LURAP1L: variants seen among roughly 807,000 people sequenced by gnomAD.
LURAP1L encodes the protein leucine rich adaptor protein 1-like.
LURAP1L carries 12 observed loss-of-function variants against 13.8 expected under a neutral mutation model. The ratio of observed to expected loss-of-function variants is 0.87; its 90% CI spans 0.56 to 1.41. The LOEUF (loss-of-function observed/expected upper bound fraction) is 1.41. LURAP1L is among the 40% of genes most tolerant of loss of function. The pLI, the probability that LURAP1L is intolerant of heterozygous loss-of-function variation, is 0.00. For missense variants in LURAP1L, 375 were observed against 292.9 expected (o/e 1.28, Z -2.04); for synonymous variants, 139 against 119.2 (o/e 1.17, Z -1.08).
intron 1 of LURAP1L, among the ~76,000 whole-genome samples, chr9:12,809,115 A>C (rs536665332): frequency 6.6e-6 from 1 of 152,264 alleles, no homozygotes; most frequent in African/African-American, 2.4e-5. Flanking sequence ...ACGTAGAATG[A>C]TAACTCATTC....
intron 1 of LURAP1L, among the ~76,000 whole-genome samples, chr9:12,794,764 C>T (rs573351809): frequency 1.3e-5 from 2 of 151,888 alleles, no homozygotes; most frequent in African/African-American, 4.8e-5. Flanking sequence ...AATGTCCACA[C>T]TTTGGACATT....
At chr9:12,780,210 G>C (rs939270438) in intron 1 of LURAP1L, among the ~76,000 whole-genome samples, 7 of 152,194 alleles carry the variant, frequency 4.6e-5, no homozygotes, top group African/African-American at 1.7e-4. Context: ...CATTTAAGCA[G>C]TACTTTCAAA....
chr9:12,812,362 T>C (rs1234969458), intron 1 of LURAP1L, among the ~76,000 whole-genome samples: 1 of 152,210 alleles, frequency 6.6e-6, no homozygotes, highest in Non-Finnish European at 1.5e-5. Context: ...CATAGGTACA[T>C]TCAAGGTTGA....
At chr9:12,809,858 G>A (rs1048413255) in intron 1 of LURAP1L, among the ~76,000 whole-genome samples, 1 of 152,056 alleles carries the variant, frequency 6.6e-6, no homozygotes, top group Non-Finnish European at 1.5e-5. Context: ...ATTGTCTTTG[G>A]GTTTCCTTTG....
intron 1 of LURAP1L, among the ~76,000 whole-genome samples, chr9:12,815,060 A>G (rs1051732201): frequency 1.3e-5 from 2 of 152,204 alleles, no homozygotes; most frequent in Admixed American, 1.3e-4. Flanking sequence ...GAAATGTTGT[A>G]CAGTGTCTTC....
At chr9:12,812,221 T>C (rs1170322308) in intron 1 of LURAP1L, among the ~76,000 whole-genome samples, 2 of 152,172 alleles carry the variant, frequency 1.3e-5, no homozygotes, top group African/African-American at 4.8e-5. Context: ...AGGATGTAGA[T>C]ACCAGAAGAG....
chr9:12,786,581 T>TATATATATATATAAAC lies in LURAP1L; in HGVS notation c.312+10555_312+10556insTATATATATATAAACA, dbSNP rs61134838. ...ATATATATATATATATATATATATA[T>TATATATATATATAAAC]AAACCCTTGTGCCTTAAGTCTGTAT... On this transcript the variant is annotated intron_variant, in intron 1 of 1. Coordinates refer to ENST00000319264, the MANE Select transcript of LURAP1L (RefSeq NM_203403.2). 3.7e-3 allele frequency among the ~76,000 whole-genome samples: 449 copies of TATATATATATATAAAC among 121,234 alleles called. 4 individuals are homozygous for TATATATATATATAAAC. Among genetic ancestry groups the TATATATATATATAAAC allele is most frequent in the Non-Finnish European group, 6.3e-3 (346 of 55,082 alleles). The allele number at this position is 121,234 out of a possible 152,430, so 79.5% of individuals were successfully genotyped here.
chr9:12,788,871 G>A (rs1479451102), intron 1 of LURAP1L, among the ~76,000 whole-genome samples: 1 of 150,864 alleles, frequency 6.6e-6, no homozygotes, highest in Non-Finnish European at 1.5e-5. Flanking sequence ...AGACCAGCCT[G>A]GGCAACAAAG....
At chr9:12,812,853 C>G (rs1489451866) in intron 1 of LURAP1L, among the ~76,000 whole-genome samples, 1 of 152,132 alleles carries the variant, frequency 6.6e-6, no homozygotes, top group Non-Finnish European at 1.5e-5. Context: ...AAATGTTCAA[C>G]TGAGTTTAGA....
chr9:12,814,618 C>A (rs1316007831), intron 1 of LURAP1L, among the ~76,000 whole-genome samples: 1 of 152,144 alleles, frequency 6.6e-6, no homozygotes, highest in Non-Finnish European at 1.5e-5. Flanking sequence ...AGAAACTGTA[C>A]AGATCTCACG....
At chr9:12,788,201 G>GAAAAT (rs1168102200) in intron 1 of LURAP1L, among the ~76,000 whole-genome samples, 1 of 106,630 alleles carries the variant, frequency 9.4e-6, no homozygotes, top group Non-Finnish European at 2.0e-5. Flanking sequence ...GAAAAGAAAA[G>GAAAAT]AAAAGAAAAG....
At chr9:12,786,547 CATATATATATATATA>C (rs2093731712) in intron 1 of LURAP1L, among the ~76,000 whole-genome samples, 2 of 53,006 alleles carry the variant, frequency 3.8e-5, no homozygotes, top group Non-Finnish European at 6.7e-5. Flanking sequence ...ATATATATGA[CATATATATATATATA>C]TATATATATA....
chr9:12,791,658 T>A (rs1414745277), intron 1 of LURAP1L, among the ~76,000 whole-genome samples: 1 of 149,170 alleles, frequency 6.7e-6, no homozygotes, highest in Non-Finnish European at 1.5e-5. Flanking sequence ...CTCTCTCTCC[T>A]TCTCTCTCTC....
chr9:12,809,023 A>G (rs958933852), intron 1 of LURAP1L, among the ~76,000 whole-genome samples: 1 of 152,170 alleles, frequency 6.6e-6, no homozygotes, highest in Non-Finnish European at 1.5e-5. Context: ...TGGCAGAAGG[A>G]AAGGGCAGCT....
chr9:12,806,322 T>C (rs182085687), intron 1 of LURAP1L, among the ~76,000 whole-genome samples: 72 of 152,322 alleles, frequency 4.7e-4, no homozygotes, highest in African/African-American at 1.6e-3. Context: ...CGTTTTCTAG[T>C]ATACATATTA....
chr9:12,819,296 TTTATG>T (rs1819843328), intron 1 of LURAP1L, among the ~76,000 whole-genome samples: 1 of 152,210 alleles, frequency 6.6e-6, no homozygotes, highest in African/African-American at 2.4e-5. Flanking sequence ...TAAATTGTAC[TTTATG>T]TTTTTTGTAT....
At chr9:12,800,452 T>C (rs1819569716) in intron 1 of LURAP1L, among the ~76,000 whole-genome samples, 1 of 152,038 alleles carries the variant, frequency 6.6e-6, no homozygotes, top group Non-Finnish European at 1.5e-5. Context: ...TTTTATAGGG[T>C]GTCCAACTGA....
At chr9:12,790,639 G>A (rs1451956297) in intron 1 of LURAP1L, 1 of 152,040 alleles carries the variant, frequency 6.6e-6, no homozygotes, top group Non-Finnish European at 1.5e-5. Context: ...AATGCTGCAG[G>A]AGAATTTCTC....
chr9:12,785,721 A>C (rs1049041309), intron 1 of LURAP1L, among the ~76,000 whole-genome samples: 4 of 152,176 alleles, frequency 2.6e-5, no homozygotes, highest in Admixed American at 2.6e-4. Flanking sequence ...CTCTCTCTGC[A>C]GTGCTGCACT....
Sources: gnomAD v4.1 joint callset for allele counts (sites outside exome capture counted in the v4.1 genomes callset) on GRCh38, gnomAD v4.1.1 for gene constraint, MANE v1.5 for transcripts, NCBI Gene and HGNC (gene_info 2026-07-23, HGNC 2026-07-21) for gene names.